PID1: variants seen among roughly 807,000 people sequenced by gnomAD.
The protein encoded by PID1 is phosphotyrosine interaction domain containing 1, also known as PTB-containing, cubilin and LRP1-interacting protein.
Under a neutral mutation model 19.1 loss-of-function variants are expected in PID1, and 10 were observed. The observed-to-expected ratio is 0.52, with a 90% CI of 0.32 to 0.89. The LOEUF (loss-of-function observed/expected upper bound fraction) is 0.89. Among genes scored for constraint, PID1 ranks in the 40% least tolerant of loss-of-function variants. The pLI is 0.03. For missense variants in PID1, 248 were observed against 285.3 expected (o/e 0.87, Z 0.94); for synonymous variants, 130 against 116.0 (o/e 1.12, Z -0.78).
At chr2:229,210,688 A>G (rs10804350) in intron 1 of PID1, among the ~76,000 whole-genome samples, 66,965 of 151,804 alleles carry the variant, frequency 0.44, 16,079 homozygotes, top group East Asian at 0.76. Flanking sequence ...TTTATTGAGA[A>G]CATAGGAAAA....
At chr2:229,087,462 T>C (rs1694791554) in intron 2 of PID1, among the ~76,000 whole-genome samples, 1 of 152,150 alleles carries the variant, frequency 6.6e-6, no homozygotes, top group East Asian at 1.9e-4. Context: ...TAAGAGGGGA[T>C]CAAATGTCTC....
chr2:229,180,718 T>G (rs764934473), intron 1 of PID1, among the ~76,000 whole-genome samples: 8 of 152,208 alleles, frequency 5.3e-5, no homozygotes, highest in Non-Finnish European at 1.0e-4. Flanking sequence ...TTTAATGACT[T>G]AACGGCTGAT....
intron 1 of PID1, among the ~76,000 whole-genome samples, chr2:229,259,492 C>T (rs1008262651): frequency 6.6e-6 from 1 of 152,172 alleles, no homozygotes; most frequent in Non-Finnish European, 1.5e-5. Context: ...AATGTTTACA[C>T]AGATACACAC....
intron 2 of PID1, among the ~76,000 whole-genome samples, chr2:229,026,386 C>T (rs1284992537): frequency 1.2e-4 from 18 of 152,162 alleles, no homozygotes; most frequent in African/African-American, 3.9e-4. Context: ...CTTTTTTAAA[C>T]CCCAATTAAA....
At position 229,044,962 on chromosome 2, in the gene PID1, G is replaced by GT. The variant is rs958094767; in HGVS notation, c.178-18855dup. 2.8e-4 allele frequency among the ~76,000 whole-genome samples: 41 copies of GT among 148,838 alleles called. No homozygotes were observed. In the South Asian group the frequency reaches 4.0e-3, roughly 15 times the overall value. On this transcript the variant is annotated intron_variant, in intron 2 of 2. Transcript: ENST00000392055. ...TTTAAATATTTTAAAATTCAGGGTAGTTTTTTTTTTAGATGGAGTCTCACT... is the reference window on the plus strand; with the variant it reads ...TTTAAATATTTTAAAATTCAGGGTAGTTTTTTTTTTTAGATGGAGTCTCACT...
At chr2:229,264,626 G>A (rs764998423) in intron 1 of PID1, among the ~76,000 whole-genome samples, 1 of 152,220 alleles carries the variant, frequency 6.6e-6, no homozygotes, top group Non-Finnish European at 1.5e-5. Context: ...TTCCCCAAGT[G>A]AGGAGACAGA....
rs1267246337 is a variant in PID1, at chr2:229,183,165, A to G, written c.31-27201T>C. On this transcript the variant is annotated intron_variant, in intron 1 of 2. Transcript: ENST00000392055. Reference sequence around the variant, plus strand: ...GAGAGAAATTTGAACACAGAGACGCATGGGAGTACACCATGTGAAGATGGA... The same window carrying G: ...GAGAGAAATTTGAACACAGAGACGCGTGGGAGTACACCATGTGAAGATGGA... 2.0e-5 allele frequency among the ~76,000 whole-genome samples: 3 copies of G among 152,206 alleles called. No homozygotes were observed. In the East Asian group the frequency reaches 5.8e-4, roughly 29 times the overall value.
intron 1 of PID1, among the ~76,000 whole-genome samples, chr2:229,251,194 C>T (rs1002198404): frequency 7.9e-5 from 12 of 151,986 alleles, no homozygotes; most frequent in Non-Finnish European, 1.2e-4. Flanking sequence ...CACTGTGAAT[C>T]AATAATGATT....
At chr2:229,234,396 G>A (rs753437963) in intron 1 of PID1, among the ~76,000 whole-genome samples, 2 of 152,188 alleles carry the variant, frequency 1.3e-5, no homozygotes, top group African/African-American at 2.4e-5. Flanking sequence ...TGCCATGTGA[G>A]ACAGATGCAA....
At chr2:229,168,889 G>T (rs1042262075) in intron 1 of PID1, among the ~76,000 whole-genome samples, 2 of 152,122 alleles carry the variant, frequency 1.3e-5, no homozygotes, top group African/African-American at 4.8e-5. Flanking sequence ...GGGTTTTATT[G>T]CTCTACCACA....
At chr2:229,162,608 T>C (rs958045857) in intron 1 of PID1, among the ~76,000 whole-genome samples, 11 of 152,246 alleles carry the variant, frequency 7.2e-5, no homozygotes, top group East Asian at 3.9e-4. Context: ...CAAGGAACAA[T>C]TGGGTGAATC....
intron 1 of PID1, among the ~76,000 whole-genome samples, chr2:229,161,787 G>T (rs183698918): frequency 6.3e-4 from 96 of 152,322 alleles, no homozygotes; most frequent in Non-Finnish European, 1.2e-3. Flanking sequence ...CACTTAGGTG[G>T]CACATGCTCT....
chr2:229,254,345 T>C (rs1328636307), intron 1 of PID1, among the ~76,000 whole-genome samples: 7 of 152,182 alleles, frequency 4.6e-5, no homozygotes, highest in African/African-American at 1.2e-4. Context: ...AGCATTCCTA[T>C]TGAACTGTTT....
At chr2:229,230,676 G>T (rs1692186960) in intron 1 of PID1, among the ~76,000 whole-genome samples, 1 of 152,136 alleles carries the variant, frequency 6.6e-6, no homozygotes, top group South Asian at 2.1e-4. Flanking sequence ...GTGAAGCTTT[G>T]TCTGAGTTAC....
intron 1 of PID1, among the ~76,000 whole-genome samples, chr2:229,186,916 C>T (rs1267012544): frequency 1.3e-5 from 2 of 152,200 alleles, no homozygotes; most frequent in Non-Finnish European, 2.9e-5. Context: ...CAAGTCAACT[C>T]TTGAATGCTT....
chr2:229,183,894 ATATATATATATATATATCCCC>A lies in PID1; in HGVS notation c.31-27951_31-27931del, dbSNP rs1378925149. Among the ~76,000 whole-genome samples, 12 of 14,446 alleles carry A rather than the reference ATATATATATATATATATCCCC, an allele frequency of 8.3e-4. 5 individuals carry two copies. Among genetic ancestry groups the A allele is most frequent in the African/African-American group, 7.0e-3 (11 of 1,580 alleles). The allele number at this position is 14,446 out of a possible 152,430, so 9.5% of individuals were successfully genotyped here. A position where few individuals can be genotyped will look rare whatever the true frequency, so the allele number is the denominator to read the frequency against. The stretch of plus-strand genomic sequence containing the variant: ...TCTCTCTTTCTATATATATATATAT[ATATATATATATATATATCCCC>A]TATATATATCCCCTATATATATCCC... On this transcript the variant is annotated intron_variant, in intron 1 of 2. Transcript: ENST00000392055.
intron 1 of PID1, among the ~76,000 whole-genome samples, chr2:229,233,243 G>C (rs755868975): frequency 6.6e-6 from 1 of 152,140 alleles, no homozygotes; most frequent in Non-Finnish European, 1.5e-5. Context: ...TGGATTACTT[G>C]TTCAAAGCTG....
intron 1 of PID1, among the ~76,000 whole-genome samples, chr2:229,213,313 C>T (rs1488797065): frequency 6.6e-6 from 1 of 152,200 alleles, no homozygotes; most frequent in East Asian, 1.9e-4. Flanking sequence ...ATGCACCATC[C>T]AACCATAACC....
intron 2 of PID1, among the ~76,000 whole-genome samples, chr2:229,060,708 T>A (rs989159183): frequency 3.9e-5 from 6 of 152,138 alleles, no homozygotes; most frequent in Admixed American, 1.3e-4. Context: ...TTTTCCATAA[T>A]AGCTGTATTA....
Sources: allele counts gnomAD v4.1 joint callset (sites outside exome capture counted in the v4.1 genomes callset), GRCh38; gene constraint gnomAD v4.1.1; transcripts MANE v1.5; gene names NCBI Gene and HGNC (gene_info 2026-07-23, HGNC 2026-07-21).